The following CRIM1 variants were observed in gnomAD, a reference collection of about 807,000 sequenced individuals.
CRIM1 encodes cysteine-rich motor neuron 1 protein.
CRIM1 carries 32 observed loss-of-function variants against 116.4 expected under a neutral mutation model. That is an observed-to-expected ratio of 0.27 (90% CI 0.21 to 0.37). The LOEUF (loss-of-function observed/expected upper bound fraction) is 0.37. Among genes scored for constraint, CRIM1 ranks in the 10% least tolerant of loss-of-function variants. CRIM1 has a pLI of 1.00. For missense variants in CRIM1, 1,331 were observed against 1,354.8 expected (o/e 0.98, Z 0.28); for synonymous variants, 590 against 509.2 (o/e 1.16, Z -2.13).
rs143759923 is a variant in CRIM1, at chr2:36,393,124, T to A, written c.332-3490T>A. 2.0e-3 allele frequency among the ~76,000 whole-genome samples: 299 copies of A among 152,184 alleles called. 1 individual carries two copies. The highest frequency in any genetic ancestry group is 6.8e-3 in the African/African-American group (283 of 41,522). On this transcript the variant is annotated intron_variant, in intron 1 of 16. Transcript: ENST00000280527. ...TCTGGCAGTGAAAACCAATTAGCTG[T>A]GAGATGGGCTGCTTGGAAGGACTGT...
At chr2:36,509,182 A>T (rs1001492988) in intron 8 of CRIM1, among the ~76,000 whole-genome samples, 2 of 152,194 alleles carry the variant, frequency 1.3e-5, no homozygotes, top group African/African-American at 2.4e-5. Context: ...ATATGATAGC[A>T]TCTAACACCC....
At chr2:36,407,867 A>G (rs1399185684) in intron 2 of CRIM1, among the ~76,000 whole-genome samples, 1 of 152,242 alleles carries the variant, frequency 6.6e-6, no homozygotes, top group Non-Finnish European at 1.5e-5. Flanking sequence ...TACTTTCTAT[A>G]CAGTCATCTG....
chr2:36,519,636 C>T (rs1488749952), intron 12 of CRIM1, among the ~76,000 whole-genome samples: 1 of 152,192 alleles, frequency 6.6e-6, no homozygotes, highest in East Asian at 1.9e-4. Context: ...CATAGCTCCA[C>T]AGTGGGATAA....
At chr2:36,396,141 C>T (rs1672013676) in intron 1 of CRIM1, among the ~76,000 whole-genome samples, 1 of 152,166 alleles carries the variant, frequency 6.6e-6, no homozygotes, top group African/African-American at 2.4e-5. Flanking sequence ...AACTCCTGGG[C>T]TCAAGTAATC....
chr2:36,517,400 G>C lies in CRIM1; in HGVS notation c.2064G>C (p.Val688=), dbSNP rs747250516. The change falls in exon 12 of 17, where the codon GTG becomes GTC. Residue 688 remains valine, a synonymous_variant. Coordinates refer to ENST00000280527, the MANE Select transcript of CRIM1 (RefSeq NM_016441.3). ...ACGCCCCTGGAGGAGAATACTTTGTGGAAGGAGAAACGTGGAACATTGACT... is the reference window on the plus strand; with the variant it reads ...ACGCCCCTGGAGGAGAATACTTTGTCGAAGGAGAAACGTGGAACATTGACT... ...ICHAPGGEYF[V]EGETWNIDSC... is the part of the protein sequence containing the mutation. The C allele has an allele frequency of 6.2e-7, 1 of 1,614,096 alleles. No homozygotes were observed. Among genetic ancestry groups the C allele is most frequent in the African/African-American group, 1.3e-5 (1 of 74,944 alleles).
Position 36,549,378 on chromosome 2 carries a change from GCTTTT to G in CRIM1, c.*678_*682del, listed in dbSNP as rs1438139506. The G allele has an allele frequency of 1.3e-5, 2 of 152,526 alleles. No individual in the cohort carries two copies. The highest frequency in any genetic ancestry group is 4.8e-5 in the African/African-American group (2 of 41,392). 9.4% of individuals were successfully genotyped at this position (152,526 alleles called of 1,614,324 possible). ...GATATATACAGTTACACTTTTTGCT[GCTTTT>G]ATTTTCTTCCAAGCCAATCAATCAG... On this transcript the variant is annotated 3_prime_UTR_variant, in exon 17 of 17. Transcript: ENST00000280527.
chr2:36,530,398 CAAGTG>C (rs980467105), intron 13 of CRIM1, among the ~76,000 whole-genome samples: 3 of 152,046 alleles, frequency 2.0e-5, no homozygotes, highest in African/African-American at 7.2e-5. Context: ...TTTAAAAAAA[CAAGTG>C]AAGCCAGTTT....
chr2:36,390,276 G>C (rs951399573), intron 1 of CRIM1, among the ~76,000 whole-genome samples: 1 of 152,198 alleles, frequency 6.6e-6, no homozygotes, highest in Non-Finnish European at 1.5e-5. Context: ...AAATAAGAGA[G>C]CTGTTGGGAA....
intron 2 of CRIM1, among the ~76,000 whole-genome samples, chr2:36,415,703 G>C (rs1471949832): frequency 6.6e-6 from 1 of 152,202 alleles, no homozygotes; most frequent in East Asian, 1.9e-4. Flanking sequence ...GCACACTCCA[G>C]AGCATGTGGA....
At chr2:36,440,123 A>C (rs781220976) in intron 2 of CRIM1, among the ~76,000 whole-genome samples, 2 of 152,172 alleles carry the variant, frequency 1.3e-5, no homozygotes, top group Non-Finnish European at 2.9e-5. Context: ...TCAAGACCTG[A>C]GTGGACTGGA....
In CRIM1 at chr2:36,356,538, A is replaced by T. The variant is rs1558491826; in HGVS notation, c.246A>T (p.Gly82=). 1.2e-6 allele frequency: 2 copies of T among 1,612,834 alleles called. No individual in the cohort carries two copies. The highest frequency in any genetic ancestry group is 3.3e-5 in the Admixed American group (2 of 60,024). ...GCGGCGGCACCTTCGGGATTTACGG[A>T]ACCTGCGACCGGGGGCTGCGTTGTG... ...ESCGGTFGIY[G]TCDRGLRCVI... The change falls in exon 1 of 17, where the codon GGA becomes GGT. Residue 82 remains glycine (G), a synonymous_variant. Coordinates refer to ENST00000280527, the MANE Select transcript of CRIM1 (RefSeq NM_016441.3). The surrounding 1 kb of genome is among the most constrained non-coding windows in gnomAD (Gnocchi z 4.3).
chr2:36,403,188 T>C (rs1173556892), intron 2 of CRIM1, among the ~76,000 whole-genome samples: 5 of 152,210 alleles, frequency 3.3e-5, no homozygotes, highest in Non-Finnish European at 7.3e-5. Flanking sequence ...ATGGGTTAGA[T>C]TGGTGTAGAA....
intron 1 of CRIM1, among the ~76,000 whole-genome samples, chr2:36,389,324 GCCAGCCAGGA>G (rs1281063490): frequency 3.3e-5 from 5 of 152,196 alleles, no homozygotes; most frequent in Non-Finnish European, 7.3e-5. Context: ...CCTGATAACA[GCCAGCCAGGA>G]GCTGGGGGAG....
At chr2:36,363,317 A>AGTG (rs1669354378) in intron 1 of CRIM1, among the ~76,000 whole-genome samples, 1 of 152,138 alleles carries the variant, frequency 6.6e-6, no homozygotes, top group Non-Finnish European at 1.5e-5. Context: ...ATAAGGACTC[A>AGTG]GTGCATCCCT....
intron 1 of CRIM1, among the ~76,000 whole-genome samples, chr2:36,396,347 A>G (rs1672027818): frequency 6.6e-6 from 1 of 152,242 alleles, no homozygotes; most frequent in East Asian, 1.9e-4. Flanking sequence ...TTGTAATAAC[A>G]CATTAAGAGA....
At chr2:36,543,270 T>G (rs1436057468) in intron 14 of CRIM1, among the ~76,000 whole-genome samples, 1 of 152,126 alleles carries the variant, frequency 6.6e-6, no homozygotes, top group Non-Finnish European at 1.5e-5. Context: ...AGTTAACTCA[T>G]GGGGGAAGCT....
intron 14 of CRIM1, among the ~76,000 whole-genome samples, chr2:36,538,673 A>G (rs765256768): frequency 4.6e-5 from 7 of 152,146 alleles, no homozygotes; most frequent in Admixed American, 2.6e-4. Flanking sequence ...TTTATCTCCT[A>G]AAAAGGATAG....
intron 2 of CRIM1, among the ~76,000 whole-genome samples, chr2:36,434,899 C>G (rs556807260): frequency 6.6e-5 from 10 of 152,096 alleles, no homozygotes; most frequent in African/African-American, 2.4e-4. Flanking sequence ...TGCTTTCTCC[C>G]TTCTTTCATG....
intron 1 of CRIM1, among the ~76,000 whole-genome samples, chr2:36,393,640 T>C (rs1671793668): frequency 6.6e-6 from 1 of 152,142 alleles, no homozygotes; most frequent in South Asian, 2.1e-4. Flanking sequence ...ATGGAGCAGC[T>C]TATTCTCCTG....
Sources: allele counts gnomAD v4.1 joint callset (sites outside exome capture counted in the v4.1 genomes callset), GRCh38; gene constraint gnomAD v4.1.1; non-coding constraint Gnocchi (gnomAD v3.1); transcripts MANE v1.5; gene names NCBI Gene and HGNC (gene_info 2026-07-23, HGNC 2026-07-21).